MMP26: variants seen among roughly 807,000 people sequenced by gnomAD.
MMP26 encodes the protein matrix metallopeptidase 26, also known as matrix metalloproteinase-26.
A neutral mutation model predicts 31.0 loss-of-function variants in MMP26; 33 were observed. The observed-to-expected ratio is 1.06, with a 90% CI of 0.81 to 1.42. The LOEUF (loss-of-function observed/expected upper bound fraction) is 1.42, where lower values mean the gene tolerates loss of function less well. MMP26 is among the 40% of genes most tolerant of loss of function. MMP26 has a pLI of 0.00. For synonymous variants in MMP26, 122 were observed against 114.9 expected, an observed-to-expected ratio of 1.06 and a Z score of -0.40; for missense variants, 347 against 316.1, an observed-to-expected ratio of 1.10 and a Z score of -0.74.
At chr11:4,932,071 A>G (rs751773842) in intron 2 of MMP26, among the ~76,000 whole-genome samples, 30 of 152,128 alleles carry the variant, frequency 2.0e-4, no homozygotes, top group Non-Finnish European at 2.8e-4. Context: ...AATAGCACTT[A>G]CTACAAACAA....
intron 2 of MMP26, among the ~76,000 whole-genome samples, chr11:4,892,023 C>A (rs183761781): frequency 1.3e-5 from 2 of 151,896 alleles, no homozygotes; most frequent in East Asian, 3.9e-4. Flanking sequence ...AATGAGGCTG[C>A]AAGACATATA....
intron 2 of MMP26, among the ~76,000 whole-genome samples, chr11:4,784,545 G>A (rs192598247): frequency 1.8e-4 from 28 of 152,278 alleles, no homozygotes; most frequent in Non-Finnish European, 3.5e-4. Context: ...AAAGGAGAAG[G>A]CCATGTGAAG....
At chr11:4,955,348 A>C in intron 2 of MMP26, 1 of 1,176,194 alleles carries the variant, frequency 8.5e-7, no homozygotes, top group Non-Finnish European at 1.2e-6. Context: ...GGAATCTATC[A>C]AATGACATGA....
chr11:4,708,686 A>G (rs995809637), intron 1 of MMP26, among the ~76,000 whole-genome samples: 1 of 152,244 alleles, frequency 6.6e-6, no homozygotes, highest in Non-Finnish European at 1.5e-5. Context: ...CTACAGATTT[A>G]TGGATCTGGG....
chr11:4,773,663 G>A (rs1589896708), intron 2 of MMP26, among the ~76,000 whole-genome samples: 2 of 148,618 alleles, frequency 1.3e-5, no homozygotes, highest in Admixed American at 6.8e-5. Context: ...GAGTACATGT[G>A]CAGGATGTGC....
chr11:4,908,238 T>G (rs1850935097), intron 2 of MMP26: 2 of 1,614,172 alleles, frequency 1.2e-6, no homozygotes, highest in Admixed American at 3.3e-5. Flanking sequence ...AACCCCATTG[T>G]GTACTGTGTA....
At chr11:4,856,997 A>G (rs1052751459) in intron 2 of MMP26, among the ~76,000 whole-genome samples, 6 of 152,248 alleles carry the variant, frequency 3.9e-5, no homozygotes, top group Non-Finnish European at 5.9e-5. Context: ...AAATGAAGGC[A>G]GAAATAAAGA....
At chr11:4,804,936 C>G (rs902424469) in intron 2 of MMP26, among the ~76,000 whole-genome samples, 7 of 149,758 alleles carry the variant, frequency 4.7e-5, no homozygotes, top group African/African-American at 1.7e-4. Context: ...CACCACTGCA[C>G]TCCAGCCTGG....
intron 2 of MMP26, chr11:4,912,623 C>A (rs1055081346): frequency 2.0e-5 from 3 of 152,056 alleles, no homozygotes; most frequent in Admixed American, 1.3e-4. Flanking sequence ...TTCACATATA[C>A]ACATTGTAAA....
chr11:4,907,496 T>C, intron 2 of MMP26: 1 of 1,614,084 alleles, frequency 6.2e-7, no homozygotes, highest in Non-Finnish European at 8.5e-7. Context: ...CATGGGCAAC[T>C]GCACCATTCT....
At chr11:4,774,681 T>C (rs1848768269) in intron 2 of MMP26, among the ~76,000 whole-genome samples, 1 of 152,212 alleles carries the variant, frequency 6.6e-6, no homozygotes, top group Non-Finnish European at 1.5e-5. Context: ...CTTTTGGCAA[T>C]TTCATCATGA....
rs543081100 is a variant in MMP26, at chr11:4,915,672, G to A, written c.-144-72396G>A. 4.1e-5 allele frequency: 65 copies of A among 1,600,322 alleles called. No homozygotes were observed. The East Asian group carries it at 1.2e-3, about 29-fold the overall frequency. Reference sequence around the variant, plus strand: ...AGGGATCCCAGGGTCATTGTGTGAGGAGACAAGGGGGAAGGTGGGTGCCCT... The same window carrying A: ...AGGGATCCCAGGGTCATTGTGTGAGAAGACAAGGGGGAAGGTGGGTGCCCT... On this transcript the variant is annotated intron_variant, in intron 2 of 7. Coordinates refer to ENST00000380390, the MANE Select transcript of MMP26 (RefSeq NM_021801.5).
At chr11:4,966,513 G>T (rs1393398600) in intron 2 of MMP26, among the ~76,000 whole-genome samples, 1 of 152,134 alleles carries the variant, frequency 6.6e-6, no homozygotes, top group Admixed American at 6.5e-5. Context: ...TTGCTAAATT[G>T]AACAATACAG....
At chr11:4,795,873 C>T (rs1217224152) in intron 2 of MMP26, among the ~76,000 whole-genome samples, 1 of 142,194 alleles carries the variant, frequency 7.0e-6, no homozygotes, top group Non-Finnish European at 1.6e-5. Context: ...AGAGAGAGAC[C>T]TAACAATCAG....
intron 2 of MMP26, chr11:4,849,316 C>T: frequency 8.5e-7 from 1 of 1,179,254 alleles, no homozygotes. Flanking sequence ...TGCATCTTCC[C>T]TTCCCTGACT....
rs112013364 is a variant in MMP26 at position 4,782,005 on chromosome 11, C to G, written c.-145+14664C>G. ...ACTGTAAGTCCAATTAAACCTCTTT[C>G]TTTTGTAAATTGCTCAGTCTTGGGT... On this transcript the variant is annotated intron_variant, in intron 2 of 7. Transcript: ENST00000380390. Among the ~76,000 whole-genome samples the G allele has an allele frequency of 4.5e-3, 680 of 152,294 alleles. 4 individuals carry two copies. Among genetic ancestry groups the G allele is most frequent in the African/African-American group, 0.015 (610 of 41,554 alleles).
At chr11:4,793,959 A>C (rs1296566788) in intron 2 of MMP26, 1 of 152,212 alleles carries the variant, frequency 6.6e-6, no homozygotes. Flanking sequence ...GATGTGCAGG[A>C]ACAGGGTGAC....
intron 2 of MMP26, chr11:4,915,252 CAT>C (rs758266986): frequency 3.7e-6 from 6 of 1,613,896 alleles, no homozygotes; most frequent in Middle Eastern, 1.7e-4. Flanking sequence ...AGAATGGAAA[CAT>C]AGTGCAAGGG....
chr11:4,780,674 C>T (rs1377310923), intron 2 of MMP26, among the ~76,000 whole-genome samples: 1 of 152,062 alleles, frequency 6.6e-6, no homozygotes, highest in Non-Finnish European at 1.5e-5. Context: ...TAAAGCTAAA[C>T]ATGCAGTTAG....
Sources: gnomAD v4.1 joint callset for allele counts (sites outside exome capture counted in the v4.1 genomes callset) on GRCh38, gnomAD v4.1.1 for gene constraint, MANE v1.5 for transcripts, NCBI Gene and HGNC (gene_info 2026-07-23, HGNC 2026-07-21) for gene names.